The following NUP205 variants were observed in gnomAD, a reference collection of about 807,000 sequenced individuals.
The protein encoded by NUP205 is nucleoporin 205.
NUP205 carries 76 observed loss-of-function variants against 253.8 expected under a neutral mutation model. That is an observed-to-expected ratio of 0.30 (90% CI 0.25 to 0.36). The LOEUF (loss-of-function observed/expected upper bound fraction) is 0.36, where lower values mean the gene tolerates loss of function less well. Ranked by LOEUF, NUP205 falls within the 10% of genes least tolerant of loss-of-function variation. The pLI is 1.00. For synonymous variants in NUP205, 832 were observed against 850.1 expected (o/e 0.98, Z 0.37); for missense variants, 2,162 against 2,425.5 (o/e 0.89, Z 2.28).
intron 1 of NUP205, among the ~76,000 whole-genome samples, chr7:135,569,025 GTC>G (rs1805866707): frequency 6.6e-6 from 1 of 152,158 alleles, no homozygotes. Context: ...AAGATTGTTT[GTC>G]TTATCTTCTT....
At chr7:135,630,803 G>T (rs1024395971) in intron 35 of NUP205, among the ~76,000 whole-genome samples, 1 of 152,082 alleles carries the variant, frequency 6.6e-6, no homozygotes, top group African/African-American at 2.4e-5. Context: ...GCATTCACCT[G>T]TGGTCCTGGC....
At chr7:135,569,147 T>C (rs1381081474) in intron 1 of NUP205, among the ~76,000 whole-genome samples, 1 of 152,242 alleles carries the variant, frequency 6.6e-6, no homozygotes, top group Non-Finnish European at 1.5e-5. Context: ...CTCGGCTCAC[T>C]CCAACCTCCG....
chr7:135,646,097 C>T, intron 41 of NUP205, 61 bp from the exon 42 acceptor site: 1 of 1,040,458 alleles, frequency 9.6e-7, no homozygotes, highest in Non-Finnish European at 1.5e-6. Flanking sequence ...CATCAGGTTC[C>T]TCCACTGTGT....
intron 23 of NUP205, among the ~76,000 whole-genome samples, chr7:135,615,625 A>T (rs1015993565): frequency 2.0e-5 from 3 of 152,222 alleles, no homozygotes; most frequent in Non-Finnish European, 4.4e-5. Context: ...TCAAAATACG[A>T]TAGATTCAGG....
chr7:135,617,578 TTC>T (rs758407081), intron 26 of NUP205, 22 bp from the exon 27 acceptor site: 19 of 1,580,466 alleles, frequency 1.2e-5, no homozygotes, highest in Admixed American at 1.0e-4. Flanking sequence ...TGTCTTATTT[TTC>T]TTTCTTTTCC....
intron 1 of NUP205, among the ~76,000 whole-genome samples, chr7:135,568,669 A>G (rs1805854424): frequency 6.6e-6 from 1 of 152,150 alleles, no homozygotes; most frequent in Admixed American, 6.6e-5. Context: ...AGTTTTGTAT[A>G]TACATGTGTA....
chr7:135,577,985 G>A lies in NUP205; in HGVS notation c.838G>A (p.Asp280Asn). 1 of 1,613,850 alleles carries A rather than the reference G, an allele frequency of 6.2e-7. No homozygotes were observed. The highest frequency in any genetic ancestry group is 8.5e-7 in the Non-Finnish European group (1 of 1,179,870). Residue 280 changes from aspartate (D) to asparagine (N), a missense_variant, in exon 6 of 43, where the codon GAT (aspartate) becomes AAT (asparagine). By Grantham distance (23) the Asp-to-Asn change is conservative. Around this residue, in one of 5 missense-constraint regions of NUP205, gnomAD observed 892 missense variants for 957.1 expected, o/e 0.93. Coordinates refer to ENST00000285968, the MANE Select transcript of NUP205 (RefSeq NM_015135.3). Reference sequence around the variant, plus strand: ...TCTTATGGCGCTTCTATACTGTTTTGATATCAGTTTTATAGAGCAAAGCAC... The same window carrying A: ...TCTTATGGCGCTTCTATACTGTTTTAATATCAGTTTTATAGAGCAAAGCAC... Reference protein sequence around the residue: ...ALLMALLYCFDISFIEQSTEE... With the variant: ...ALLMALLYCFNISFIEQSTEE...
At chr7:135,575,098 C>G (rs1806117454) in intron 3 of NUP205, among the ~76,000 whole-genome samples, 1 of 152,136 alleles carries the variant, frequency 6.6e-6, no homozygotes, top group Non-Finnish European at 1.5e-5. Context: ...TGAATAAAAT[C>G]TCAACTAGTG....
intron 1 of NUP205, among the ~76,000 whole-genome samples, chr7:135,563,322 G>T (rs1002899191): frequency 1.3e-5 from 2 of 152,094 alleles, no homozygotes; most frequent in Non-Finnish European, 2.9e-5. Context: ...CTAGCAGCTG[G>T]GACTACAGGC....
intron 1 of NUP205, among the ~76,000 whole-genome samples, chr7:135,566,799 G>C (rs981911262): frequency 6.6e-6 from 1 of 151,924 alleles, no homozygotes; most frequent in Non-Finnish European, 1.5e-5. Context: ...GCGCAGTGGC[G>C]CAATCTCGGC....
At position 135,601,004 on chromosome 7, in the gene NUP205, A is replaced by G. The variant is rs1793954545; in HGVS notation, c.2374+35A>G. On this transcript the variant is annotated intron_variant, in intron 16 of 42. Transcript: ENST00000285968. ...TTCTGTCACTTTCAAACAAGTTGTCAACTATTTATAATTTATAAATTATGG... is the reference window on the plus strand; with the variant it reads ...TTCTGTCACTTTCAAACAAGTTGTCGACTATTTATAATTTATAAATTATGG... 4.4e-6 allele frequency: 5 copies of G among 1,125,696 alleles called. No homozygotes were observed. In the Admixed American group the frequency reaches 9.2e-5, roughly 21 times the overall value. 69.7% of individuals were successfully genotyped at this position (1,125,696 alleles called of 1,614,324 possible).
chr7:135,589,385 T>G (rs562694755), intron 10 of NUP205, among the ~76,000 whole-genome samples: 2 of 150,758 alleles, frequency 1.3e-5, no homozygotes, highest in East Asian at 3.9e-4. Flanking sequence ...GCCTCCCAGA[T>G]TCAAGCGATT....
chr7:135,584,337 T>C (rs1272409104), intron 7 of NUP205, among the ~76,000 whole-genome samples: 2 of 152,188 alleles, frequency 1.3e-5, no homozygotes, highest in Non-Finnish European at 2.9e-5. Context: ...TATAAAAAAA[T>C]TACAGTTAGA....
chr7:135,587,601 T>C lies in NUP205; in HGVS notation c.1245T>C (p.Asp415=). The change falls in exon 9 of 43, where the codon GAT becomes GAC. Residue 415 remains aspartate (D), a synonymous_variant. Transcript: ENST00000285968. The part of the protein sequence containing the change: ...MKVKQLRNRA[D]EDARMIHMSM... ...TGAAACAGCTGAGGAATCGGGCAGA[T>C]GAAGATGCTCGAATGATTCACATGA... The C allele has an allele frequency of 1.2e-6, 2 of 1,605,884 alleles. No homozygotes were observed. Among genetic ancestry groups the C allele is most frequent in the African/African-American group, 1.3e-5 (1 of 74,812 alleles).
chr7:135,632,805 C>CT (rs1173673146), intron 35 of NUP205, among the ~76,000 whole-genome samples: 1 of 152,102 alleles, frequency 6.6e-6, no homozygotes, highest in Non-Finnish European at 1.5e-5. Flanking sequence ...TTTTCCAGGA[C>CT]TTAACTAATT....
intron 22 of NUP205, among the ~76,000 whole-genome samples, chr7:135,607,594 T>C (rs1247473146): frequency 6.6e-6 from 1 of 152,208 alleles, no homozygotes; most frequent in Non-Finnish European, 1.5e-5. Context: ...GGAAATTAGA[T>C]TTTTGTGATG....
chr7:135,577,771 CT>C (rs1563113397), intron 5 of NUP205, 24 bp from the exon 6 acceptor site: 19 of 1,534,622 alleles, frequency 1.2e-5, no homozygotes, highest in Non-Finnish European at 1.7e-5. Context: ...TTTATTTATA[CT>C]GATAGTCATG....
chr7:135,567,158 A>C (rs1258807302), intron 1 of NUP205, among the ~76,000 whole-genome samples: 1 of 94,886 alleles, frequency 1.1e-5, no homozygotes, highest in East Asian at 3.1e-4. Flanking sequence ...ATATATATAT[A>C]TATATATATA....
In NUP205 at chr7:135,607,320, A is replaced by G. The variant is rs749407924; in HGVS notation, c.3144A>G (p.Thr1048=). The G allele has an allele frequency of 1.4e-5, 23 of 1,614,010 alleles. 1 individual carries two copies. In the East Asian group the frequency reaches 5.1e-4, roughly 36 times the overall value. Residue 1048 remains threonine, a synonymous_variant, in exon 22 of 43, where the codon ACA becomes ACG. Coordinates refer to ENST00000285968, the MANE Select transcript of NUP205 (RefSeq NM_015135.3). The stretch of plus-strand genomic sequence containing the variant: ...TGGAGAAAGGAACGGAAGGGAGAAC[A>G]GGCCCAGTGGCGGTGCGAGAATCTC... ...NILEKGTEGR[T]GPVAVRESPQ...
Sources: gnomAD v4.1 joint callset for allele counts (sites outside exome capture counted in the v4.1 genomes callset) on GRCh38, gnomAD v4.1.1 for gene constraint, gnomAD v4.1.1 regional missense constraint, MANE v1.5 for transcripts, NCBI Gene and HGNC (gene_info 2026-07-23, HGNC 2026-07-21) for gene names.